Variants in PRDM16 observed in about 807,000 individuals in gnomAD.
The protein encoded by PRDM16 is histone-lysine N-methyltransferase PRDM16.
In PRDM16, 23 loss-of-function variants were observed where a neutral mutation model predicts 110.6. The ratio of observed to expected loss-of-function variants is 0.21; its 90% confidence interval spans 0.15 to 0.29. The LOEUF is 0.29. Ranked by LOEUF, PRDM16 falls within the 10% of genes least tolerant of loss-of-function variation. The pLI, the probability that PRDM16 is intolerant of heterozygous loss-of-function variation, is 1.00. For synonymous variants in PRDM16, 799 were observed against 781.8 expected, an observed-to-expected ratio of 1.02 and a Z score of -0.37; for missense variants, 1,615 against 1,794.3, an observed-to-expected ratio of 0.90 and a Z score of 1.81.
chr1:3,373,741 C>T (rs1642946053), intron 3 of PRDM16, among the ~76,000 whole-genome samples: 1 of 152,216 alleles, frequency 6.6e-6, no homozygotes, highest in Non-Finnish European at 1.5e-5. Flanking sequence ...CCCACTCCAG[C>T]CTGCACCTCC....
intron 1 of PRDM16, among the ~76,000 whole-genome samples, chr1:3,070,976 G>T (rs1055544341): frequency 6.6e-6 from 1 of 152,256 alleles, no homozygotes; most frequent in African/African-American, 2.4e-5. Flanking sequence ...CGCCGCCGAC[G>T]CGAAGGGGCT....
At chr1:3,119,541 C>T (rs1014847199) in intron 1 of PRDM16, among the ~76,000 whole-genome samples, 3 of 152,168 alleles carry the variant, frequency 2.0e-5, no homozygotes, top group Admixed American at 6.5e-5. Context: ...GGTGCTGTCC[C>T]GTGCCTGGCA....
At chr1:3,168,883 G>A (rs561871768) in intron 1 of PRDM16, among the ~76,000 whole-genome samples, 3 of 152,232 alleles carry the variant, frequency 2.0e-5, no homozygotes, top group South Asian at 2.1e-4. Flanking sequence ...CTGGCCTACC[G>A]AGCCTACTCC....
chr1:3,254,878 G>A (rs1394228620), intron 3 of PRDM16, among the ~76,000 whole-genome samples: 1 of 152,188 alleles, frequency 6.6e-6, no homozygotes, highest in African/African-American at 2.4e-5. Flanking sequence ...AACAAAGCTG[G>A]AGGCATCATG....
chr1:3,218,629 T>G (rs1457013923), intron 2 of PRDM16, among the ~76,000 whole-genome samples: 1 of 152,228 alleles, frequency 6.6e-6, no homozygotes, highest in Admixed American at 6.5e-5. Flanking sequence ...CTTCTGGCTC[T>G]TTCTTTCTTT....
rs1643449211 is a variant in PRDM16, at chr1:3,136,859, G to A, written c.38-49266G>A. Among the ~76,000 whole-genome samples, 3 of 152,198 alleles carry A rather than the reference G, an allele frequency of 2.0e-5. No individual in the cohort carries two copies. The South Asian group carries it at 6.2e-4, about 32-fold the overall frequency. On this transcript the variant is annotated intron_variant, in intron 1 of 16. Coordinates refer to ENST00000270722, the MANE Select transcript of PRDM16 (RefSeq NM_022114.4). Reference sequence around the variant, plus strand: ...GTCAGTTGGGGGTCCGGGATGCTGGGAACTGACCTGGTTTACAGCCCCCAC... The same window carrying A: ...GTCAGTTGGGGGTCCGGGATGCTGGAAACTGACCTGGTTTACAGCCCCCAC...
chr1:3,074,705 C>T (rs866818106), intron 1 of PRDM16, among the ~76,000 whole-genome samples: 9 of 152,198 alleles, frequency 5.9e-5, no homozygotes, highest in African/African-American at 1.4e-4. Context: ...TGCCTTCATC[C>T]GGAGCAAATG....
rs1005247402 is a variant in PRDM16, at chr1:3,350,136, G to C, written c.439-35016G>C. Among the ~76,000 whole-genome samples, 16 of 152,184 alleles carry C rather than the reference G, an allele frequency of 1.1e-4. No individual in the cohort carries two copies. The highest frequency in any genetic ancestry group is 3.6e-4 in the African/African-American group (15 of 41,450). ...AGCCCAGAAGTTTGAGGCCAGCCTG[G>C]ACAACATAGCAAGACCCTATCTCTA... On this transcript the variant is annotated intron_variant, in intron 3 of 16. Coordinates refer to ENST00000270722, the MANE Select transcript of PRDM16 (RefSeq NM_022114.4). The surrounding 1 kb of genome is among the most constrained non-coding windows in gnomAD (Gnocchi z 7.1).
At position 3,201,240 on chromosome 1, in the gene PRDM16, G is replaced by A. The variant is rs540891483; in HGVS notation, c.387+14766G>A. ...TCCATTCATATGATCATAGGAGCTG[G>A]GGGGCTGGAGACAAATGTATTTCTC... On this transcript the variant is annotated intron_variant, in intron 2 of 16. Coordinates refer to ENST00000270722, the MANE Select transcript of PRDM16 (RefSeq NM_022114.4). This position sits in a 1 kb window ranked among gnomAD's most constrained non-coding sequence, Gnocchi z 4.1. Among the ~76,000 whole-genome samples, 3 of 152,180 alleles carry A rather than the reference G, an allele frequency of 2.0e-5. No homozygotes were observed. The highest frequency in any genetic ancestry group is 4.2e-4 in the South Asian group (2 of 4,814).
At chr1:3,406,906 C>T (rs945454097) in intron 8 of PRDM16, among the ~76,000 whole-genome samples, 10 of 152,210 alleles carry the variant, frequency 6.6e-5, no homozygotes, top group African/African-American at 2.2e-4. Context: ...CCCAAGCATT[C>T]TTACACAGCA....
At position 3,434,857 on chromosome 1, in the gene PRDM16, G is replaced by A. The variant is rs770939719; in HGVS notation, c.*1046G>A. On this transcript the variant is annotated 3_prime_UTR_variant, in exon 17 of 17. Coordinates refer to ENST00000270722, the MANE Select transcript of PRDM16 (RefSeq NM_022114.4). ...CCTCTGAAGGCAGGGCCTTGGCCAC[G>A]TCCTGGGTCTCCCACCTCCCACCTG... 39 of 232,062 alleles carry A rather than the reference G, an allele frequency of 1.7e-4. No individual in the cohort carries two copies. Among genetic ancestry groups the A allele is most frequent in the Non-Finnish European group, 2.6e-4 (30 of 117,350 alleles). 14.4% of individuals were successfully genotyped at this position (232,062 alleles called of 1,614,324 possible). A position where few individuals can be genotyped will look rare whatever the true frequency, so the allele number is the denominator to read the frequency against.
At chr1:3,170,502 G>A (rs546330610) in intron 1 of PRDM16, among the ~76,000 whole-genome samples, 9 of 152,212 alleles carry the variant, frequency 5.9e-5, no homozygotes, top group East Asian at 1.9e-4. Context: ...TCCTGGCCCC[G>A]AGAGCCGGAG....
At chr1:3,221,431 C>T (rs934316202) in intron 2 of PRDM16, among the ~76,000 whole-genome samples, 12 of 152,238 alleles carry the variant, frequency 7.9e-5, no homozygotes, top group African/African-American at 2.9e-4. Flanking sequence ...GCTGTGTTTG[C>T]ACAAATGACA....
At chr1:3,275,277 A>G (rs1640556753) in intron 3 of PRDM16, among the ~76,000 whole-genome samples, 1 of 152,242 alleles carries the variant, frequency 6.6e-6, no homozygotes, top group South Asian at 2.1e-4. Flanking sequence ...GGCTTGACAG[A>G]CCTTGTACGT....
rs767614089 is a variant in PRDM16 at position 3,436,575 on chromosome 1, C to T, written c.*2764C>T. On this transcript the variant is annotated 3_prime_UTR_variant, in exon 17 of 17. Coordinates refer to ENST00000270722, the MANE Select transcript of PRDM16 (RefSeq NM_022114.4). ...GCAGCACTTATTTCCTGGGCTGGTG[C>T]GCCCCAAAACACGGCCCCGACACTT... The T allele has an allele frequency of 8.6e-5, 20 of 231,278 alleles. No homozygotes were observed. The highest frequency in any genetic ancestry group is 2.7e-4 in the African/African-American group (12 of 45,186). 14.3% of individuals were successfully genotyped at this position (231,278 alleles called of 1,614,324 possible).
At chr1:3,137,823 C>G (rs889182253) in intron 1 of PRDM16, among the ~76,000 whole-genome samples, 1 of 152,240 alleles carries the variant, frequency 6.6e-6, no homozygotes, top group Non-Finnish European at 1.5e-5. Context: ...GCTGGGACCT[C>G]GCTTGTCCGG....
At chr1:3,286,842 G>A (rs1640856266) in intron 3 of PRDM16, among the ~76,000 whole-genome samples, 1 of 152,092 alleles carries the variant, frequency 6.6e-6, no homozygotes, top group Non-Finnish European at 1.5e-5. Context: ...GAAAGCATGG[G>A]ACTCAAAGCT....
intron 3 of PRDM16, among the ~76,000 whole-genome samples, chr1:3,295,072 G>A (rs1317852460): frequency 6.6e-6 from 1 of 152,152 alleles, no homozygotes; most frequent in Non-Finnish European, 1.5e-5. Flanking sequence ...CTGCCTGTGG[G>A]CCCAAACTGT....
rs368821071 is a variant in PRDM16, at chr1:3,421,248, C to G, written c.2939+2504C>G. Among the ~76,000 whole-genome samples, 85 of 152,270 alleles carry G rather than the reference C, an allele frequency of 5.6e-4. 3 individuals are homozygous for G. In the East Asian group the frequency reaches 8.7e-3, roughly 16 times the overall value. The stretch of plus-strand genomic sequence containing the variant: ...CTAGGAAGGATGCCGCTGCCCAGTG[C>G]TCAGGGGCTCGGGGGCCCTGGCCAC... On this transcript the variant is annotated intron_variant, in intron 12 of 16. Transcript: ENST00000270722.
Sources: allele counts gnomAD v4.1 joint callset (sites outside exome capture counted in the v4.1 genomes callset), GRCh38; gene constraint gnomAD v4.1.1; non-coding constraint Gnocchi (gnomAD v3.1); transcripts MANE v1.5; gene names NCBI Gene and HGNC (gene_info 2026-07-23, HGNC 2026-07-21).